ABCC11: variants seen among roughly 807,000 people sequenced by gnomAD.
The protein encoded by ABCC11 is ATP-binding cassette sub-family C member 11.
A neutral mutation model predicts 149.3 loss-of-function variants in ABCC11; 135 were observed. The ratio of observed to expected loss-of-function variants is 0.90; its 90% CI spans 0.79 to 1.04. ABCC11 has a LOEUF of 1.04. Ranked by LOEUF, ABCC11 falls within the 50% of genes least tolerant of loss-of-function variation. The pLI, the probability that ABCC11 is intolerant of heterozygous loss-of-function variation, is 0.00. For missense variants in ABCC11, 1,680 were observed against 1,722.1 expected (o/e 0.98, Z 0.43); for synonymous variants, 665 against 671.4 (o/e 0.99, Z 0.15).
intron 6 of ABCC11, 120 bp from the exon 7 acceptor site, chr16:48,216,407 A>T: frequency 1.1e-6 from 1 of 908,800 alleles, no homozygotes; most frequent in East Asian, 2.5e-5. Flanking sequence ...GTGGAAGAGT[A>T]GAGACAGACA....
At chr16:48,208,208 T>C (rs191226867) in intron 12 of ABCC11, among the ~76,000 whole-genome samples, 1 of 152,258 alleles carries the variant, frequency 6.6e-6, no homozygotes, top group East Asian at 1.9e-4. Context: ...AAGAGGCAGC[T>C]TGCACCAGGA....
rs1264380065 is a variant in ABCC11, at chr16:48,194,014, C to T, written c.2405-32G>A. 25 of 1,539,544 alleles carry T rather than the reference C, an allele frequency of 1.6e-5. No individual in the cohort carries two copies. In the South Asian group the frequency reaches 2.8e-4, roughly 17 times the overall value. Reference sequence around the variant, plus strand: ...GGGAGACAGTGGTGATGTACAAGTGCCACAAACAGGTGCGAGGCAACTGCT... The same window carrying T: ...GGGAGACAGTGGTGATGTACAAGTGTCACAAACAGGTGCGAGGCAACTGCT... On this transcript the variant is annotated intron_variant, in intron 18 of 29. Transcript: ENST00000356608.
chr16:48,178,547 A>C, intron 24 of ABCC11, 50 bp downstream of exon 24: 1 of 1,577,760 alleles, frequency 6.3e-7, no homozygotes, highest in Non-Finnish European at 8.7e-7. Flanking sequence ...CACAGAAGTC[A>C]TGCCCCAACT....
At chr16:48,244,418 C>A in intron 1 of ABCC11, 1 of 1,582,072 alleles carries the variant, frequency 6.3e-7, no homozygotes, top group South Asian at 1.1e-5. Flanking sequence ...TCCAGATCCC[C>A]AGTCGCCTCC....
chr16:48,196,926 C>T lies in ABCC11; in HGVS notation c.2315-605G>A, dbSNP rs576826638. ...TGCCTGCTATTCTCCCTTCTAATAA[C>T]GACACCCCAGTATTTCCTGGGGAAC... On this transcript the variant is annotated intron_variant, in intron 17 of 29. Transcript: ENST00000356608. Among the ~76,000 whole-genome samples the T allele has an allele frequency of 4.6e-5, 7 of 152,274 alleles. No homozygotes were observed. The East Asian group carries it at 7.7e-4, about 17-fold the overall frequency.
chr16:48,242,830 G>A (rs1333618676), intron 1 of ABCC11, among the ~76,000 whole-genome samples: 1 of 152,040 alleles, frequency 6.6e-6, no homozygotes, highest in African/African-American at 2.4e-5. Flanking sequence ...CTCACTCATA[G>A]GTGGCAACTG....
intron 25 of ABCC11, among the ~76,000 whole-genome samples, chr16:48,176,284 G>A (rs377011230): frequency 8.5e-5 from 13 of 152,192 alleles, no homozygotes; most frequent in African/African-American, 3.1e-4. Context: ...AGGAGTGGGG[G>A]ACTGGGGACA....
At chr16:48,170,855 C>T in intron 27 of ABCC11, 34 bp downstream of exon 27, 2 of 1,586,228 alleles carry the variant, frequency 1.3e-6, no homozygotes, top group Non-Finnish European at 1.7e-6. Context: ...GCGATGCAGA[C>T]TTAGACCAAG....
chr16:48,228,066 C>T, intron 3 of ABCC11, 102 bp from the exon 4 acceptor site: 3 of 1,121,826 alleles, frequency 2.7e-6, no homozygotes, highest in Non-Finnish European at 3.7e-6. Flanking sequence ...CAGATCTACA[C>T]ACAAACATGT....
At position 48,231,884 on chromosome 16, in the gene ABCC11, G is replaced by C. The variant is rs375230100; in HGVS notation, c.38C>G (p.Ser13Cys). ...GATGCCACGATTCACGAGGCCACCA[G>C]AAGAGTTGGGCACCCAGTATGTCCT... is the stretch of plus-strand genomic sequence containing the variant. ...RKRTYWVPNS[S>C]GGLVNRGIDI... Residue 13 changes from serine to cysteine, a missense_variant, in exon 2 of 30, where the codon TCT (serine) becomes TGT (cysteine). Ser to Cys is a moderately radical substitution (Grantham distance 112). Transcript: ENST00000356608. 1.2e-6 allele frequency: 2 copies of C among 1,614,080 alleles called. No homozygotes were observed. Among genetic ancestry groups the C allele is most frequent in the African/African-American group, 2.7e-5 (2 of 74,932 alleles).
Position 48,193,950 on chromosome 16 carries a change from C to A in ABCC11, c.2437G>T (p.Val813Leu). 1 of 1,613,874 alleles carries A rather than the reference C, an allele frequency of 6.2e-7. No individual in the cohort carries two copies. Among genetic ancestry groups the A allele is most frequent in the Non-Finnish European group, 8.5e-7 (1 of 1,179,828 alleles). ...YMVSCIIFFF[V>L]VLIVFLTIFS... ...ATCGTTAAGAAGACGATCAGCACCA[C>A]GAAGAAGAAAATTATGCAAGAGACC... The change falls in exon 19 of 30, where the codon GTG becomes TTG. Residue 813 changes from valine (V) to leucine (L), a missense_variant. Coordinates refer to ENST00000356608, the MANE Select transcript of ABCC11 (RefSeq NM_001370497.1).
At chr16:48,231,149 C>T (rs11863414) in intron 2 of ABCC11, among the ~76,000 whole-genome samples, 19,859 of 151,784 alleles carry the variant, frequency 0.13, 1,611 homozygotes, top group African/African-American at 0.23. Context: ...CGTGTGATTG[C>T]CAAGGTCCAA....
Position 48,165,781 on chromosome 16 carries a change from C to T in ABCC11, c.*1493G>A, listed in dbSNP as rs1384563118. ...CAAGAGAGTGAGAAATATTGGTTTACTAAATTGATTTTTTATGGCATTTTT... is the reference window on the plus strand; with the variant it reads ...CAAGAGAGTGAGAAATATTGGTTTATTAAATTGATTTTTTATGGCATTTTT... On this transcript the variant is annotated 3_prime_UTR_variant, in exon 30 of 30. Transcript: ENST00000356608. 1 of 152,126 alleles carries T rather than the reference C, an allele frequency of 6.6e-6. No individual in the cohort carries two copies. The highest frequency in any genetic ancestry group is 2.4e-5 in the African/African-American group (1 of 41,424). The allele number at this position is 152,126 out of a possible 1,614,324, so 9.4% of individuals were successfully genotyped here. A position where few individuals can be genotyped will look rare whatever the true frequency, so the allele number is the denominator to read the frequency against.
At chr16:48,191,629 C>T (rs1285785521) in intron 20 of ABCC11, among the ~76,000 whole-genome samples, 1 of 152,172 alleles carries the variant, frequency 6.6e-6, no homozygotes, top group African/African-American at 2.4e-5. Flanking sequence ...AATAGTGCCA[C>T]AATAAACATA....
intron 12 of ABCC11, among the ~76,000 whole-genome samples, chr16:48,206,515 A>T (rs1171247714): frequency 6.6e-6 from 1 of 152,240 alleles, no homozygotes; most frequent in Non-Finnish European, 1.5e-5. Flanking sequence ...GGACCTCATC[A>T]TTCTTAATCC....
At chr16:48,190,524 C>T (rs1039075517) in intron 20 of ABCC11, among the ~76,000 whole-genome samples, 1 of 152,010 alleles carries the variant, frequency 6.6e-6, no homozygotes, top group Non-Finnish European at 1.5e-5. Context: ...CCCCCATGTC[C>T]GGCTAATTTT....
At position 48,227,940 on chromosome 16, in the gene ABCC11, G is replaced by T; in HGVS notation, c.261C>A (p.Asp87Glu). Reference sequence around the variant, plus strand: ...TGAGGTAGGAGAACAGGCCAGCATTGTCCAGGGGCTGGGGGGCAGGAAACC... The same window carrying T: ...TGAGGTAGGAGAACAGGCCAGCATTTTCCAGGGGCTGGGGGGCAGGAAACC... ...KPRFPAPQPL[D>E]NAGLFSYLTV... Residue 87 changes from aspartate (D) to glutamate (E), a missense_variant, in exon 4 of 30, where the codon GAC becomes GAA. Transcript: ENST00000356608. 1.1e-5 allele frequency: 17 copies of T among 1,613,484 alleles called. No homozygotes were observed. The highest frequency in any genetic ancestry group is 1.4e-5 in the Non-Finnish European group (17 of 1,179,692).
intron 6 of ABCC11, among the ~76,000 whole-genome samples, chr16:48,218,777 C>T (rs955844004): frequency 4.6e-5 from 7 of 152,214 alleles, no homozygotes; most frequent in Non-Finnish European, 8.8e-5. Context: ...CTTTCACCTT[C>T]CGCCATGATT....
At chr16:48,227,691 A>C in intron 4 of ABCC11, 115 bp downstream of exon 4, 1 of 1,402,006 alleles carries the variant, frequency 7.1e-7, no homozygotes, top group African/African-American at 1.4e-5. Context: ...TTCCTACAGG[A>C]AGAGCCAAGT....
Sources: allele counts gnomAD v4.1 joint callset (sites outside exome capture counted in the v4.1 genomes callset), GRCh38; gene constraint gnomAD v4.1.1; transcripts MANE v1.5; gene names NCBI Gene and HGNC (gene_info 2026-07-23, HGNC 2026-07-21).